The following CPA6 variants were observed in gnomAD, a reference collection of about 807,000 sequenced individuals.
CPA6 encodes the protein carboxypeptidase A6, also known as carboxypeptidase B.
Under a neutral mutation model 63.3 loss-of-function variants are expected in CPA6, and 58 were observed. That is an observed-to-expected ratio of 0.92 (90% CI 0.74 to 1.14). The LOEUF is 1.14. Ranked by LOEUF, CPA6 falls within the 50% of genes most tolerant of loss-of-function variation. CPA6 has a pLI of 0.00. For synonymous variants in CPA6, 185 were observed against 179.0 expected (o/e 1.03, Z -0.27); for missense variants, 565 against 526.6 (o/e 1.07, Z -0.71).
chr8:67,447,941 C>T (rs923586881), intron 8 of CPA6, among the ~76,000 whole-genome samples: 5 of 152,112 alleles, frequency 3.3e-5, no homozygotes, highest in African/African-American at 7.2e-5. Context: ...TGTGCCACCA[C>T]GCCAGGCTAA....
intron 2 of CPA6, among the ~76,000 whole-genome samples, chr8:67,563,814 A>G (rs748052403): frequency 7.9e-5 from 12 of 152,046 alleles, no homozygotes; most frequent in Non-Finnish European, 1.5e-4. Context: ...CTTGATACTA[A>G]TTTTACTGAT....
intron 8 of CPA6, among the ~76,000 whole-genome samples, chr8:67,475,773 CTTT>C (rs1811164729): frequency 2.0e-5 from 1 of 50,248 alleles, no homozygotes; most frequent in Non-Finnish European, 3.6e-5. Flanking sequence ...CTTTCTCTTT[CTTT>C]CTTTCTTTCT....
intron 8 of CPA6, among the ~76,000 whole-genome samples, chr8:67,443,067 C>CT (rs113694942): frequency 1.4e-3 from 208 of 145,318 alleles, no homozygotes; most frequent in Admixed American, 1.8e-3. Context: ...CTAGCCTATT[C>CT]TTTTTTTTTT....
intron 2 of CPA6, among the ~76,000 whole-genome samples, chr8:67,591,584 CT>C (rs1814126709): frequency 6.6e-6 from 1 of 152,120 alleles, no homozygotes; most frequent in Non-Finnish European, 1.5e-5. Flanking sequence ...TGTAGTTCTC[CT>C]TGAAGAGGTC....
Position 67,654,879 on chromosome 8 carries a change from CT to C in CPA6, c.117-30629del, listed in dbSNP as rs547093532. Reference sequence around the variant, plus strand: ...TAGGTGGCCAGATTTGTCTAATTTTCTGTTTCTGCACTTTGGATTTAGTATA... The same window carrying C: ...TAGGTGGCCAGATTTGTCTAATTTTCGTTTCTGCACTTTGGATTTAGTATA... On this transcript the variant is annotated intron_variant, in intron 1 of 10. Transcript: ENST00000297770. Among the ~76,000 whole-genome samples the C allele has an allele frequency of 1.5e-3, 224 of 152,302 alleles. 2 individuals carry two copies. The highest frequency in any genetic ancestry group is 5.2e-3 in the African/African-American group (216 of 41,572).
intron 2 of CPA6, among the ~76,000 whole-genome samples, chr8:67,584,518 G>C (rs982446079): frequency 5.9e-5 from 9 of 152,048 alleles, no homozygotes; most frequent in Non-Finnish European, 1.3e-4. Flanking sequence ...GATTTTTTTT[G>C]ATATTGTTTT....
chr8:67,686,563 G>A (rs937110216), intron 1 of CPA6, among the ~76,000 whole-genome samples: 2 of 152,164 alleles, frequency 1.3e-5, no homozygotes, highest in Admixed American at 6.6e-5. Flanking sequence ...CCAGATGACC[G>A]CAAACCCATT....
At chr8:67,703,476 GT>G (rs1817068035) in intron 1 of CPA6, among the ~76,000 whole-genome samples, 1 of 152,182 alleles carries the variant, frequency 6.6e-6, no homozygotes, top group Non-Finnish European at 1.5e-5. Context: ...TTATTCTCTG[GT>G]TTTCTCTGTG....
chr8:67,581,940 G>T (rs1246178973), intron 2 of CPA6, among the ~76,000 whole-genome samples: 1 of 152,142 alleles, frequency 6.6e-6, no homozygotes, highest in African/African-American at 2.4e-5. Flanking sequence ...TGTTGAGGGG[G>T]TTGGCTAAAG....
intron 2 of CPA6, among the ~76,000 whole-genome samples, chr8:67,559,367 A>G (rs1221767752): frequency 6.6e-6 from 1 of 152,144 alleles, no homozygotes. Context: ...ACACACACAC[A>G]CATAGGAGAC....
intron 1 of CPA6, among the ~76,000 whole-genome samples, chr8:67,712,213 G>C (rs1817278489): frequency 6.6e-6 from 1 of 152,140 alleles, no homozygotes; most frequent in African/African-American, 2.4e-5. Flanking sequence ...ATTGGGTAGA[G>C]AGAAATAGTG....
chr8:67,620,678 G>T lies in CPA6; in HGVS notation c.192+3498C>A, dbSNP rs1815059118. 2.0e-5 allele frequency among the ~76,000 whole-genome samples: 3 copies of T among 152,122 alleles called. No homozygotes were observed. The South Asian group carries it at 6.2e-4, about 32-fold the overall frequency. ...CTGCTTTCCATAGTACAAATGGTTTGCTTGGTTGAAATCATTCAAATTTAA... is the reference window on the plus strand; with the variant it reads ...CTGCTTTCCATAGTACAAATGGTTTTCTTGGTTGAAATCATTCAAATTTAA... On this transcript the variant is annotated intron_variant, in intron 2 of 10. Transcript: ENST00000297770.
At chr8:67,731,313 T>A (rs1450644158) in intron 1 of CPA6, among the ~76,000 whole-genome samples, 1 of 152,260 alleles carries the variant, frequency 6.6e-6, no homozygotes, top group Non-Finnish European at 1.5e-5. Context: ...CTATACTTTT[T>A]CTTGAGAAAC....
chr8:67,647,779 G>C (rs1198847489), intron 1 of CPA6, among the ~76,000 whole-genome samples: 3 of 152,110 alleles, frequency 2.0e-5, no homozygotes, highest in African/African-American at 4.8e-5. Context: ...AATGTACCTG[G>C]AGAGACTTTT....
At chr8:67,424,680 G>A (rs1273351179) in intron 10 of CPA6, among the ~76,000 whole-genome samples, 2 of 152,136 alleles carry the variant, frequency 1.3e-5, no homozygotes, top group Non-Finnish European at 2.9e-5. Flanking sequence ...GAACCCGAGG[G>A]AGAACCTATA....
intron 2 of CPA6, among the ~76,000 whole-genome samples, chr8:67,535,946 C>A (rs1812575315): frequency 6.6e-6 from 1 of 152,124 alleles, no homozygotes; most frequent in African/African-American, 2.4e-5. Context: ...TTCCCAACAC[C>A]ATTTATTAAA....
At chr8:67,459,864 C>T (rs916263330) in intron 8 of CPA6, among the ~76,000 whole-genome samples, 21 of 152,138 alleles carry the variant, frequency 1.4e-4, no homozygotes, top group Admixed American at 2.6e-4. Context: ...AGGTTTTTAT[C>T]CATTGTAATA....
At chr8:67,560,523 C>G (rs942588609) in intron 2 of CPA6, among the ~76,000 whole-genome samples, 9 of 152,112 alleles carry the variant, frequency 5.9e-5, no homozygotes, top group African/African-American at 1.9e-4. Context: ...ATGCAATAAA[C>G]TGTGTAAATA....
At chr8:67,558,780 C>T (rs945461016) in intron 2 of CPA6, among the ~76,000 whole-genome samples, 1 of 152,166 alleles carries the variant, frequency 6.6e-6, no homozygotes, top group African/African-American at 2.4e-5. Flanking sequence ...ATGCACATCA[C>T]AAATCTTGCA....
Sources: gnomAD v4.1 joint callset for allele counts (sites outside exome capture counted in the v4.1 genomes callset) on GRCh38, gnomAD v4.1.1 for gene constraint, MANE v1.5 for transcripts, NCBI Gene and HGNC (gene_info 2026-07-23, HGNC 2026-07-21) for gene names.